Variants in AMPH observed in about 807,000 individuals in gnomAD.
The protein encoded by AMPH is amphiphysin (Stiff-Mann syndrome with breast cancer 128kD autoantigen).
AMPH carries 49 observed loss-of-function variants against 99.1 expected under a neutral mutation model. That is an observed-to-expected ratio of 0.49 (90% CI 0.39 to 0.63). The LOEUF is 0.63. AMPH is among the 20% of genes least tolerant of loss of function. The pLI, the probability that AMPH is intolerant of heterozygous loss-of-function variation, is 0.00. For synonymous variants in AMPH, 314 were observed against 317.3 expected (o/e 0.99, Z 0.11); for missense variants, 759 against 863.4 (o/e 0.88, Z 1.52).
At chr7:38,589,289 T>C (rs1792771982) in intron 1 of AMPH, among the ~76,000 whole-genome samples, 1 of 152,222 alleles carries the variant, frequency 6.6e-6, no homozygotes, top group Non-Finnish European at 1.5e-5. Context: ...TGGTGAGGTA[T>C]AATTTTACTT....
chr7:38,606,461 G>GGTGGAATA (rs945796262), intron 1 of AMPH, among the ~76,000 whole-genome samples: 2 of 151,868 alleles, frequency 1.3e-5, no homozygotes, highest in African/African-American at 4.8e-5. Flanking sequence ...ATTTCATATA[G>GGTGGAATA]GTGGAATATC....
chr7:38,477,107 C>A (rs1222573861), intron 5 of AMPH, 138 bp from the exon 6 acceptor site: 9 of 653,354 alleles, frequency 1.4e-5, no homozygotes, highest in Non-Finnish European at 2.2e-5. Context: ...TGGAGTTTCA[C>A]TAGCTAAGTG....
chr7:38,449,322 T>G (rs1181380920), intron 11 of AMPH, among the ~76,000 whole-genome samples: 1 of 152,232 alleles, frequency 6.6e-6, no homozygotes, highest in Non-Finnish European at 1.5e-5. Flanking sequence ...TACAGCATTC[T>G]GCTTTCCACT....
At chr7:38,420,449 C>T (rs1385252137) in intron 16 of AMPH, among the ~76,000 whole-genome samples, 1 of 152,128 alleles carries the variant, frequency 6.6e-6, no homozygotes, top group Non-Finnish European at 1.5e-5. Context: ...TTTTGGAGTG[C>T]TGAGAATGAT....
At chr7:38,456,047 G>A (rs949998048) in intron 11 of AMPH, among the ~76,000 whole-genome samples, 19 of 152,256 alleles carry the variant, frequency 1.2e-4, no homozygotes, top group Admixed American at 1.3e-4. Flanking sequence ...TTCCCCAGTT[G>A]CAGTGGGTGC....
chr7:38,590,217 G>A (rs1434920713), intron 1 of AMPH, among the ~76,000 whole-genome samples: 1 of 152,118 alleles, frequency 6.6e-6, no homozygotes, highest in African/African-American at 2.4e-5. Flanking sequence ...GGAACCCAGC[G>A]ACTAGTGTTC....
chr7:38,418,872 CT>C (rs1375522712), intron 16 of AMPH, among the ~76,000 whole-genome samples: 1 of 151,950 alleles, frequency 6.6e-6, no homozygotes, highest in East Asian at 1.9e-4. Context: ...AGATCAAGGC[CT>C]TTTTAGTTTT....
intron 3 of AMPH, among the ~76,000 whole-genome samples, chr7:38,499,283 G>C (rs936359898): frequency 6.6e-6 from 1 of 152,152 alleles, no homozygotes; most frequent in African/African-American, 2.4e-5. Flanking sequence ...AGTGTCAGGT[G>C]CACAAATGGA....
chr7:38,443,945 A>G (rs1443931182), intron 11 of AMPH, among the ~76,000 whole-genome samples: 1 of 152,152 alleles, frequency 6.6e-6, no homozygotes, highest in African/African-American at 2.4e-5. Context: ...AAAATCCAAT[A>G]AAATCTACAA....
At chr7:38,465,130 G>A (rs1056162707) in intron 9 of AMPH, among the ~76,000 whole-genome samples, 35 of 152,182 alleles carry the variant, frequency 2.3e-4, no homozygotes, top group East Asian at 5.8e-4. Context: ...TTTCTTCTCC[G>A]GAGAAAATAT....
intron 9 of AMPH, among the ~76,000 whole-genome samples, chr7:38,465,008 A>G (rs1006870094): frequency 6.6e-6 from 1 of 152,222 alleles, no homozygotes; most frequent in African/African-American, 2.4e-5. Context: ...AGGAGGTAAG[A>G]GGAAGATGAG....
intron 1 of AMPH, among the ~76,000 whole-genome samples, chr7:38,622,837 C>T (rs1794119836): frequency 6.6e-6 from 1 of 152,168 alleles, no homozygotes; most frequent in African/African-American, 2.4e-5. Context: ...AAAGAGCTCA[C>T]ATATGTGGAG....
rs961538862 is a variant in AMPH, at chr7:38,554,510, C to T, written c.70-19499G>A. ...GCTTTAAAAAAAATCAAAGATATGC[C>T]CAAAGATAAGACTACAAGAATGTTC... On this transcript the variant is annotated intron_variant, in intron 1 of 20. Transcript: ENST00000356264. Among the ~76,000 whole-genome samples the T allele has an allele frequency of 4.6e-5, 7 of 152,070 alleles. No individual in the cohort carries two copies. In the East Asian group the frequency reaches 1.3e-3, roughly 29 times the overall value.
At chr7:38,446,777 T>C (rs928793080) in intron 11 of AMPH, among the ~76,000 whole-genome samples, 7 of 152,278 alleles carry the variant, frequency 4.6e-5, no homozygotes, top group African/African-American at 1.4e-4. Flanking sequence ...TACAGTTTAT[T>C]GTAGATCAAT....
intron 2 of AMPH, among the ~76,000 whole-genome samples, chr7:38,529,184 T>C (rs976610833): frequency 1.3e-5 from 2 of 152,244 alleles, no homozygotes; most frequent in African/African-American, 4.8e-5. Context: ...ATCATCTTAG[T>C]TGATTTGATC....
intron 1 of AMPH, among the ~76,000 whole-genome samples, chr7:38,612,983 A>G (rs569868838): frequency 1.3e-5 from 2 of 152,312 alleles, no homozygotes; most frequent in South Asian, 4.1e-4. Flanking sequence ...TACCATTTAC[A>G]TTCTATGGAA....
At chr7:38,603,947 G>A (rs531344464) in intron 1 of AMPH, among the ~76,000 whole-genome samples, 22 of 152,304 alleles carry the variant, frequency 1.4e-4, no homozygotes, top group African/African-American at 4.8e-4. Flanking sequence ...TTCAACAAAC[G>A]TGATGTCCTT....
rs367673369 is a variant in AMPH at position 38,398,350 on chromosome 7, C to G, written c.1399-4136G>C. Among the ~76,000 whole-genome samples the G allele has an allele frequency of 3.9e-5, 6 of 152,184 alleles. 1 individual carries two copies. The East Asian group carries it at 5.8e-4, about 15-fold the overall frequency. On this transcript the variant is annotated intron_variant, in intron 17 of 20. Transcript: ENST00000356264. Reference sequence around the variant, plus strand: ...TGTGATACATATATACAATGGAGTACTATTCAGCCATAGAAAACAATGAGA... The same window carrying G: ...TGTGATACATATATACAATGGAGTAGTATTCAGCCATAGAAAACAATGAGA...
At position 38,475,426 on chromosome 7, in the gene AMPH, AAACAT is replaced by A. The variant is rs1386075226; in HGVS notation, c.505-15_505-11del. 2 of 1,597,900 alleles carry A rather than the reference AAACAT, an allele frequency of 1.3e-6. No homozygotes were observed. The highest frequency in any genetic ancestry group is 3.3e-5 in the Admixed American group (2 of 59,788). ...GAAATTCTTCTTCTGCCTAGGAATG[AAACAT>A]AACATGTGTTTACACTAAGAAAGAC... is the stretch of plus-strand genomic sequence containing the variant. On this transcript the variant is annotated splice_polypyrimidine_tract_variant and intron_variant, in intron 6 of 20. Coordinates refer to ENST00000356264, the MANE Select transcript of AMPH (RefSeq NM_001635.4).
Sources: allele counts gnomAD v4.1 joint callset (sites outside exome capture counted in the v4.1 genomes callset), GRCh38; gene constraint gnomAD v4.1.1; transcripts MANE v1.5; gene names NCBI Gene and HGNC (gene_info 2026-07-23, HGNC 2026-07-21).